The following PIK3R3 variants were observed in gnomAD, a reference collection of about 807,000 sequenced individuals.
PIK3R3 encodes the protein phosphoinositide-3-kinase regulatory subunit 3.
In PIK3R3, 64 loss-of-function variants were observed where a neutral mutation model predicts 62.9. That is an observed-to-expected ratio of 1.02 (90% CI 0.83 to 1.25). The LOEUF is 1.25. Ranked by LOEUF, PIK3R3 falls within the 50% of genes most tolerant of loss-of-function variation. The pLI is 0.00. For synonymous variants in PIK3R3, 165 were observed against 189.0 expected (o/e 0.87, Z 1.04); for missense variants, 614 against 561.6 (o/e 1.09, Z -0.94).
At chr1:46,055,708 A>G in intron 7 of PIK3R3, 87 bp downstream of exon 7, 5 of 875,598 alleles carry the variant, frequency 5.7e-6, no homozygotes, top group Non-Finnish European at 8.8e-6. Context: ...ACAAATCTCT[A>G]ATCTCTTCTT....
intron 1 of PIK3R3, among the ~76,000 whole-genome samples, chr1:46,116,817 A>AT (rs1654230657): frequency 6.6e-6 from 1 of 152,162 alleles, no homozygotes; most frequent in South Asian, 2.1e-4. Context: ...TGCTATACAG[A>AT]TTAGAAAACT....
chr1:46,063,377 C>A (rs1247449809), intron 5 of PIK3R3, among the ~76,000 whole-genome samples: 1 of 152,212 alleles, frequency 6.6e-6, no homozygotes, highest in Non-Finnish European at 1.5e-5. Flanking sequence ...AAGATTACAT[C>A]ATATGTATCT....
At position 46,057,327 on chromosome 1, in the gene PIK3R3, T is replaced by A. The variant is rs80317126; in HGVS notation, c.765-1356A>T. 537 of 152,452 alleles carry A rather than the reference T, an allele frequency of 3.5e-3. 5 individuals carry two copies. The highest frequency in any genetic ancestry group is 0.034 in the East Asian group (176 of 5,176). 9.4% of individuals were successfully genotyped at this position (152,452 alleles called of 1,614,324 possible). A position where few individuals can be genotyped will look rare whatever the true frequency, so the allele number is the denominator to read the frequency against. Reference sequence around the variant, plus strand: ...CTTCCTTTTGTAAATTGCCCTGTCTTGGGTATTTCCTTATCAGCAGCATGA... The same window carrying A: ...CTTCCTTTTGTAAATTGCCCTGTCTAGGGTATTTCCTTATCAGCAGCATGA... On this transcript the variant is annotated intron_variant, in intron 6 of 9. Transcript: ENST00000262741.
At chr1:46,073,457 A>G (rs1335171639) in intron 3 of PIK3R3, among the ~76,000 whole-genome samples, 2 of 152,194 alleles carry the variant, frequency 1.3e-5, no homozygotes, top group Non-Finnish European at 2.9e-5. Context: ...CCCAGTGTAA[A>G]TAAGTAGATT....
intron 7 of PIK3R3, among the ~76,000 whole-genome samples, chr1:46,051,260 T>A (rs185511258): frequency 6.6e-6 from 1 of 151,894 alleles, no homozygotes; most frequent in East Asian, 1.9e-4. Flanking sequence ...TCCACAGAAC[T>A]TTTTTTTCTT....
At chr1:46,092,051 T>C (rs112965092) in intron 1 of PIK3R3, among the ~76,000 whole-genome samples, 1 of 152,212 alleles carries the variant, frequency 6.6e-6, no homozygotes, top group African/African-American at 2.4e-5. Flanking sequence ...GCCCACCATA[T>C]TTCCTCACCT....
intron 1 of PIK3R3, among the ~76,000 whole-genome samples, chr1:46,095,292 A>G (rs2149434208): frequency 6.6e-6 from 1 of 152,378 alleles, no homozygotes; most frequent in South Asian, 2.1e-4. Context: ...ATGGAATACT[A>G]TGCAGCCATA....
chr1:46,141,086 C>T, the PIK3R3 span, among the ~76,000 whole-genome samples: 1 of 151,866 alleles, frequency 6.6e-6, no homozygotes, highest in Non-Finnish European at 1.5e-5. Context: ...TCTTGAACTC[C>T]TGTGCTCAAG....
At chr1:46,070,405 TCTGA>T (rs749352195) in intron 3 of PIK3R3, among the ~76,000 whole-genome samples, 133 of 152,238 alleles carry the variant, frequency 8.7e-4, no homozygotes, top group Non-Finnish European at 1.5e-3. Context: ...GGAGTTCTCG[TCTGA>T]CTGTGTCCAT....
At chr1:46,104,941 A>AC (rs1653052517) in intron 1 of PIK3R3, 4 of 534,998 alleles carry the variant, frequency 7.5e-6, no homozygotes, top group South Asian at 4.1e-5. Flanking sequence ...AAAAAAAAAA[A>AC]AAAAAAAAAC....
chr1:46,170,924 A>G, the PIK3R3 span, among the ~76,000 whole-genome samples: 13 of 152,288 alleles, frequency 8.5e-5, no homozygotes, highest in Middle Eastern at 3.4e-3. Flanking sequence ...CACAATTCTG[A>G]ATTTCTTAGT....
At chr1:46,143,472 C>T in the PIK3R3 span, among the ~76,000 whole-genome samples, 2 of 151,844 alleles carry the variant, frequency 1.3e-5, no homozygotes, top group Admixed American at 1.3e-4. Flanking sequence ...GAGACAGGGT[C>T]TCACTGTGTC....
At chr1:46,098,539 C>A (rs916316420) in intron 1 of PIK3R3, among the ~76,000 whole-genome samples, 5 of 152,174 alleles carry the variant, frequency 3.3e-5, no homozygotes, top group African/African-American at 1.2e-4. Context: ...ATACATACCA[C>A]AATTGGATAA....
At chr1:46,056,105 T>A in intron 6 of PIK3R3, 134 bp from the exon 7 acceptor site, 1 of 584,010 alleles carries the variant, frequency 1.7e-6, no homozygotes, top group Non-Finnish European at 2.9e-6. Context: ...GGCTGGAGTG[T>A]AGTGGCATGA....
chr1:46,114,587 A>G (rs1190181178), intron 1 of PIK3R3, among the ~76,000 whole-genome samples: 1 of 151,940 alleles, frequency 6.6e-6, no homozygotes, highest in Admixed American at 6.6e-5. Context: ...TTTTGGGGGT[A>G]GGACCTAGCA....
At chr1:46,073,207 G>A (rs1276400350) in intron 3 of PIK3R3, among the ~76,000 whole-genome samples, 1 of 152,162 alleles carries the variant, frequency 6.6e-6, no homozygotes, top group South Asian at 2.1e-4. Flanking sequence ...CTTTGCTTCT[G>A]CTGTCTGTTA....
At chr1:46,127,589 A>T (rs1028564730) in intron 1 of PIK3R3, among the ~76,000 whole-genome samples, 1 of 152,192 alleles carries the variant, frequency 6.6e-6, no homozygotes, top group Admixed American at 6.5e-5. Flanking sequence ...TCAAAAGACC[A>T]AAGGTGACGC....
the PIK3R3 span, among the ~76,000 whole-genome samples, chr1:46,168,718 T>C: frequency 6.6e-6 from 1 of 152,198 alleles, no homozygotes; most frequent in African/African-American, 2.4e-5. Context: ...CAACACATCA[T>C]GATGCTATCC....
intron 3 of PIK3R3, among the ~76,000 whole-genome samples, chr1:46,071,042 G>A (rs908908335): frequency 6.6e-6 from 1 of 152,084 alleles, no homozygotes; most frequent in African/African-American, 2.4e-5. Context: ...TCTCATTTAA[G>A]AGTCACCAAT....
Sources: allele counts gnomAD v4.1 joint callset (sites outside exome capture counted in the v4.1 genomes callset), GRCh38; gene constraint gnomAD v4.1.1; transcripts MANE v1.5; gene names NCBI Gene and HGNC (gene_info 2026-07-23, HGNC 2026-07-21).